H6PD: variants seen among roughly 807,000 people sequenced by gnomAD.
H6PD encodes hexose-6-phosphate dehydrogenase/glucose 1-dehydrogenase.
H6PD carries 48 observed loss-of-function variants against 61.2 expected under a neutral mutation model. The ratio of observed to expected loss-of-function variants is 0.78; its 90% CI spans 0.62 to 1.00. H6PD has a LOEUF of 1.00. Ranked by LOEUF, H6PD falls within the 50% of genes least tolerant of loss-of-function variation. The probability of loss-of-function intolerance (pLI) is 0.00; values close to 1 mark genes in which losing one functional copy is unlikely to be tolerated. For missense variants in H6PD, 1,093 were observed against 1,065.0 expected (o/e 1.03, Z -0.37); for synonymous variants, 480 against 457.9 (o/e 1.05, Z -0.62).
intron 1 of H6PD, among the ~76,000 whole-genome samples, chr1:9,235,979 G>A (rs982552105): frequency 6.6e-6 from 1 of 152,114 alleles, no homozygotes; most frequent in Non-Finnish European, 1.5e-5. Context: ...ATCATGAAAA[G>A]CTGTCTGAGT....
intron 1 of H6PD, among the ~76,000 whole-genome samples, chr1:9,236,029 G>T (rs1250924069): frequency 1.3e-5 from 2 of 152,134 alleles, no homozygotes; most frequent in Admixed American, 6.5e-5. Context: ...GTTAGTTGTT[G>T]CCCAAGCTGG....
At chr1:9,243,470 C>T (rs1315496252) in intron 1 of H6PD, among the ~76,000 whole-genome samples, 1 of 152,178 alleles carries the variant, frequency 6.6e-6, no homozygotes, top group Non-Finnish European at 1.5e-5. Context: ...GGCTGAGCCC[C>T]ATTTCCACCG....
chr1:9,260,660 T>G (rs571774656), intron 3 of H6PD, among the ~76,000 whole-genome samples: 21 of 147,956 alleles, frequency 1.4e-4, no homozygotes, highest in African/African-American at 2.4e-4. Flanking sequence ...TACATTGGTG[T>G]TGTTATGTTG....
rs116785359 is a variant in H6PD at position 9,247,382 on chromosome 1, C to T, written c.745+299C>T. 7.1e-3 allele frequency among the ~76,000 whole-genome samples: 1,080 copies of T among 152,280 alleles called. 14 individuals carry two copies. Among genetic ancestry groups the T allele is most frequent in the African/African-American group, 0.025 (1,021 of 41,548 alleles). ...CTGAGGTCCCCCAAGTTTTTGAGTGCGTGGAGACCATGGGAACTGCGTGAG... is the reference window on the plus strand; with the variant it reads ...CTGAGGTCCCCCAAGTTTTTGAGTGTGTGGAGACCATGGGAACTGCGTGAG... On this transcript the variant is annotated intron_variant, in intron 3 of 4. Transcript: ENST00000377403.
At position 9,234,847 on chromosome 1, in the gene H6PD, G is replaced by A. The variant is rs1251916280; in HGVS notation, c.-230G>A. 6.8e-6 allele frequency: 1 copy of A among 147,436 alleles called. No individual in the cohort carries two copies. Among genetic ancestry groups the A allele is most frequent in the Non-Finnish European group, 1.5e-5 (1 of 66,256 alleles). 9.1% of individuals were successfully genotyped at this position (147,436 alleles called of 1,614,324 possible). On this transcript the variant is annotated 5_prime_UTR_variant, in exon 1 of 5. Transcript: ENST00000377403. ...GCGGGGTGGCGGCCGGGCTGGCCTT[G>A]GCCTCGCGCCTTCCCCTGCGGCCGC...
chr1:9,252,934 C>T (rs925459966), intron 3 of H6PD, among the ~76,000 whole-genome samples: 4 of 152,156 alleles, frequency 2.6e-5, no homozygotes, highest in East Asian at 1.9e-4. Context: ...TTTCTCTATC[C>T]TTTTCATATA....
intron 3 of H6PD, 113 bp from the exon 4 acceptor site, chr1:9,261,944 TGG>T: frequency 9.5e-7 from 1 of 1,053,896 alleles, no homozygotes; most frequent in South Asian, 1.3e-5. Flanking sequence ...CCCTGTGGAC[TGG>T]GGGAAGAGGA....
chr1:9,252,848 A>G (rs1219693741), intron 3 of H6PD, among the ~76,000 whole-genome samples: 2 of 152,076 alleles, frequency 1.3e-5, no homozygotes, highest in East Asian at 3.9e-4. Flanking sequence ...CTGACCTTGG[A>G]CGAGCTCTGG....
rs9434743 is a variant in H6PD at position 9,264,611 on chromosome 1, A to G, written c.2118A>G (p.Ser706=). Residue 706 remains serine, a synonymous_variant, in exon 5 of 5, where the codon TCA becomes TCG. Coordinates refer to ENST00000377403, the MANE Select transcript of H6PD (RefSeq NM_004285.4). ...ACACAGCCTCCCTCTTCCCACAGTCACCCACTGGCCTGGATGGCGAGCAGC... is the reference window on the plus strand; with the variant it reads ...ACACAGCCTCCCTCTTCCCACAGTCGCCCACTGGCCTGGATGGCGAGCAGC... ...DGHTASLFPQ[S]PTGLDGEQLV... 0.39 allele frequency: 631,797 copies of G among 1,612,562 alleles called. 126,373 individuals carry two copies. Among genetic ancestry groups the G allele is most frequent in the Middle Eastern group, 0.52 (3,151 of 6,058 alleles).
At chr1:9,263,449 G>A (rs1267389863) in intron 4 of H6PD, 60 bp from the exon 5 acceptor site, 12 of 1,543,782 alleles carry the variant, frequency 7.8e-6, no homozygotes, top group Non-Finnish European at 9.8e-6. Flanking sequence ...AGAGGAGAGG[G>A]CTGGCCGGAG....
chr1:9,255,021 G>C (rs1255826735), intron 3 of H6PD, among the ~76,000 whole-genome samples: 1 of 152,180 alleles, frequency 6.6e-6, no homozygotes, highest in Non-Finnish European at 1.5e-5. Context: ...GCATGTACCA[G>C]CACTTCATTT....
At position 9,270,947 on chromosome 1, in the gene H6PD, C is replaced by CTTTTTTTTTTTTTT. The variant is rs5772361; in HGVS notation, c.*6090_*6091insTTTTTTTTTTTTTT. On this transcript the variant is annotated 3_prime_UTR_variant, in exon 5 of 5. Transcript: ENST00000377403. The stretch of plus-strand genomic sequence containing the variant: ...TGATGAGGCACATTCAGAACAAATG[C>CTTTTTTTTTTTTTT]TTTTTTTTTTTTGAGACAGAGTCTC... 16,093 of 136,952 alleles carry CTTTTTTTTTTTTTT rather than the reference C, an allele frequency of 0.12. 1,513 individuals are homozygous for CTTTTTTTTTTTTTT. The highest frequency in any genetic ancestry group is 0.17 in the Middle Eastern group (42 of 244). The allele number at this position is 136,952 out of a possible 1,614,324, so 8.5% of individuals were successfully genotyped here. A position where few individuals can be genotyped will look rare whatever the true frequency, so the allele number is the denominator to read the frequency against.
chr1:9,254,685 T>C lies in H6PD; in HGVS notation c.746-7374T>C, dbSNP rs1007102911. ...GCTTCTGCTTCCCTGTTCTAAAACC[T>C]TTTTTAAAAAGTTTTATTGAGCTGT... On this transcript the variant is annotated intron_variant, in intron 3 of 4. Transcript: ENST00000377403. The surrounding 1 kb of genome is among the most constrained non-coding windows in gnomAD (Gnocchi z 4.6). 2.0e-5 allele frequency among the ~76,000 whole-genome samples: 3 copies of C among 152,202 alleles called. No homozygotes were observed. Among genetic ancestry groups the C allele is most frequent in the African/African-American group, 7.2e-5 (3 of 41,444 alleles).
At chr1:9,260,638 T>C (rs1048094326) in intron 3 of H6PD, among the ~76,000 whole-genome samples, 1 of 152,052 alleles carries the variant, frequency 6.6e-6, no homozygotes, top group African/African-American at 2.4e-5. Context: ...AATGTTGTTA[T>C]GTTGCTGTTG....
At position 9,263,979 on chromosome 1, in the gene H6PD, A is replaced by G; in HGVS notation, c.1486A>G (p.Lys496Glu). Residue 496 changes from lysine to glutamate, a missense_variant, in exon 5 of 5, where the codon AAG (lysine) becomes GAG (glutamate). Transcript: ENST00000377403. Reference protein sequence around the residue: ...WTPLLESLAHKAPRLYPGGAE... With the variant: ...WTPLLESLAHEAPRLYPGGAE... The stretch of plus-strand genomic sequence containing the variant: ...CCCTCTGCTGGAGAGCCTGGCCCAT[A>G]AGGCCCCACGCCTCTACCCTGGAGG... 2 of 1,614,156 alleles carry G rather than the reference A, an allele frequency of 1.2e-6. No individual in the cohort carries two copies. The highest frequency in any genetic ancestry group is 1.7e-6 in the Non-Finnish European group (2 of 1,180,008).
At chr1:9,248,118 G>A (rs1422029032) in intron 3 of H6PD, among the ~76,000 whole-genome samples, 5 of 152,222 alleles carry the variant, frequency 3.3e-5, no homozygotes, top group Non-Finnish European at 7.4e-5. Context: ...CTGCGTCAGT[G>A]GCCAGCTCAT....
intron 3 of H6PD, among the ~76,000 whole-genome samples, chr1:9,252,637 A>G (rs558000175): frequency 4.3e-4 from 65 of 152,392 alleles, no homozygotes; most frequent in Non-Finnish European, 1.5e-4. Context: ...GGTTTTTAGT[A>G]TATTTACAAA....
rs546489631 is a variant in H6PD, at chr1:9,267,144, G to A, written c.*2275G>A. The A allele has an allele frequency of 6.6e-6, 1 of 152,380 alleles. No homozygotes were observed. The highest frequency in any genetic ancestry group is 1.5e-5 in the Non-Finnish European group (1 of 68,198). 9.4% of individuals were successfully genotyped at this position (152,380 alleles called of 1,614,324 possible). A position where few individuals can be genotyped will look rare whatever the true frequency, so the allele number is the denominator to read the frequency against. On this transcript the variant is annotated 3_prime_UTR_variant, in exon 5 of 5. Coordinates refer to ENST00000377403, the MANE Select transcript of H6PD (RefSeq NM_004285.4). ...CAGAACATCTGTTTTTACACCCAGA[G>A]AGCGCCCCTCGTTAGGACAGAACCA...
At chr1:9,253,638 T>A (rs58180736) in intron 3 of H6PD, among the ~76,000 whole-genome samples, 1,939 of 152,314 alleles carry the variant, frequency 0.013, 58 homozygotes, top group African/African-American at 0.044. Context: ...GAAATCCAGT[T>A]TATCTCCAGT....
Sources: gnomAD v4.1 joint callset for allele counts (sites outside exome capture counted in the v4.1 genomes callset) on GRCh38, gnomAD v4.1.1 for gene constraint, Gnocchi (gnomAD v3.1) non-coding constraint, MANE v1.5 for transcripts, NCBI Gene and HGNC (gene_info 2026-07-23, HGNC 2026-07-21) for gene names.